RGS5: variants seen among roughly 807,000 people sequenced by gnomAD.
The protein encoded by RGS5 is regulator of G-protein signalling 5.
Under a neutral mutation model 18.9 loss-of-function variants are expected in RGS5, and 20 were observed. That is an observed-to-expected ratio of 1.06 (90% CI 0.74 to 1.54). The LOEUF (loss-of-function observed/expected upper bound fraction) is 1.54, where lower values mean the gene tolerates loss of function less well. Ranked by LOEUF, RGS5 falls within the 40% of genes most tolerant of loss-of-function variation. The pLI is 0.00. For missense variants in RGS5, 201 were observed against 211.8 expected (o/e 0.95, Z 0.32); for synonymous variants, 57 against 76.2 (o/e 0.75, Z 1.31).
chr1:163,174,531 G>A (rs1179058067), intron 1 of RGS5, among the ~76,000 whole-genome samples: 1 of 152,192 alleles, frequency 6.6e-6, no homozygotes, highest in Non-Finnish European at 1.5e-5. Context: ...TCTCTAATTT[G>A]CTAACTGGAC....
Position 163,181,869 on chromosome 1 carries a change from A to C in RGS5, c.45-13501T>G, listed in dbSNP as rs80140629. Among the ~76,000 whole-genome samples, 916 of 152,266 alleles carry C rather than the reference A, an allele frequency of 6.0e-3. 16 individuals carry two copies. The highest frequency in any genetic ancestry group is 0.021 in the African/African-American group (864 of 41,556). On this transcript the variant is annotated intron_variant, in intron 1 of 4. Coordinates refer to ENST00000313961, the MANE Select transcript of RGS5 (RefSeq NM_003617.4). ...TGGGTTTATATTCCAACTCTTACTT[A>C]CCAGCAGAGTGACATTGGACAAATT... is the stretch of plus-strand genomic sequence containing the variant.
intron 1 of RGS5, among the ~76,000 whole-genome samples, chr1:163,315,075 T>C (rs1199691788): frequency 6.6e-6 from 1 of 152,118 alleles, no homozygotes; most frequent in Non-Finnish European, 1.5e-5. Context: ...TGTACTAATA[T>C]CTCAGAAATC....
At chr1:163,174,815 A>G (rs2102408487) in intron 1 of RGS5, among the ~76,000 whole-genome samples, 1 of 152,356 alleles carries the variant, frequency 6.6e-6, no homozygotes, top group Non-Finnish European at 1.5e-5. Context: ...GCAATCACAA[A>G]CAGGTTTCGC....
chr1:163,168,126 A>G (rs963088362), intron 2 of RGS5, 132 bp downstream of exon 2: 1 of 621,910 alleles, frequency 1.6e-6, no homozygotes, highest in East Asian at 2.6e-5. Flanking sequence ...TTGCAAACCA[A>G]CTCTCTGAGG....
At chr1:163,240,257 T>C (rs1304797682) in intron 2 of RGS5, among the ~76,000 whole-genome samples, 1 of 151,884 alleles carries the variant, frequency 6.6e-6, no homozygotes, top group African/African-American at 2.4e-5. Context: ...TGGTCATACA[T>C]TGGAATATTA....
intron 2 of RGS5, among the ~76,000 whole-genome samples, chr1:163,230,274 AC>A (rs1360908049): frequency 1.3e-5 from 2 of 152,170 alleles, no homozygotes; most frequent in African/African-American, 4.8e-5. Context: ...TTCCCTCTTT[AC>A]CTCATAAGAT....
At chr1:163,247,934 A>G (rs1466402399) in intron 2 of RGS5, among the ~76,000 whole-genome samples, 1 of 152,114 alleles carries the variant, frequency 6.6e-6, no homozygotes, top group Non-Finnish European at 1.5e-5. Context: ...TTCCTACTCC[A>G]ACTTGCTCTG....
intron 2 of RGS5, among the ~76,000 whole-genome samples, chr1:163,226,416 A>G (rs1031595599): frequency 6.6e-6 from 1 of 152,136 alleles, no homozygotes; most frequent in African/African-American, 2.4e-5. Flanking sequence ...GTTAAACTTA[A>G]AAGTTTGAAT....
At chr1:163,251,105 T>A (rs1014009907) in intron 2 of RGS5, among the ~76,000 whole-genome samples, 1 of 152,144 alleles carries the variant, frequency 6.6e-6, no homozygotes, top group African/African-American at 2.4e-5. Context: ...CATTTTATAA[T>A]TTTTCTTTTT....
chr1:163,148,879 T>A (rs1405604875), intron 4 of RGS5, among the ~76,000 whole-genome samples: 1 of 152,236 alleles, frequency 6.6e-6, no homozygotes, highest in Non-Finnish European at 1.5e-5. Flanking sequence ...AATCAGCCTA[T>A]GGTTGTGAAT....
At chr1:163,226,085 T>A (rs1344987499) in intron 2 of RGS5, among the ~76,000 whole-genome samples, 1 of 152,130 alleles carries the variant, frequency 6.6e-6, no homozygotes, top group Non-Finnish European at 1.5e-5. Context: ...TATGCCCAGC[T>A]AATTTTGTGT....
intron 2 of RGS5, among the ~76,000 whole-genome samples, chr1:163,251,580 T>C (rs888641445): frequency 4.6e-5 from 7 of 152,174 alleles, no homozygotes; most frequent in African/African-American, 1.7e-4. Flanking sequence ...CAAAGTGATC[T>C]CATTCAATCT....
intron 2 of RGS5, chr1:163,300,548 T>C (rs1649527877): frequency 1.3e-5 from 2 of 152,216 alleles, no homozygotes; most frequent in African/African-American, 2.4e-5. Flanking sequence ...TTCTTTCATG[T>C]TGCAGCCTTA....
intron 2 of RGS5, among the ~76,000 whole-genome samples, chr1:163,253,648 T>C (rs1388253789): frequency 7.0e-6 from 1 of 142,042 alleles, no homozygotes; most frequent in African/African-American, 2.7e-5. Flanking sequence ...TTATTTATTT[T>C]TTAATTTTAT....
chr1:163,274,095 T>C (rs1312071215), intron 2 of RGS5, among the ~76,000 whole-genome samples: 1 of 152,178 alleles, frequency 6.6e-6, no homozygotes, highest in Admixed American at 6.5e-5. Context: ...GTTCCTGACA[T>C]AGAGCTCCTA....
At chr1:163,185,084 A>G (rs935413975) in intron 1 of RGS5, among the ~76,000 whole-genome samples, 2 of 152,182 alleles carry the variant, frequency 1.3e-5, no homozygotes, top group African/African-American at 4.8e-5. Context: ...CTTTTGAATT[A>G]TCTGTTTCTC....
At chr1:163,229,657 C>A (rs1302035917) in intron 2 of RGS5, among the ~76,000 whole-genome samples, 1 of 152,232 alleles carries the variant, frequency 6.6e-6, no homozygotes, top group Non-Finnish European at 1.5e-5. Context: ...CTTGCAGTTC[C>A]ATTTCCCTGG....
intron 2 of RGS5, among the ~76,000 whole-genome samples, chr1:163,240,953 C>A (rs543694090): frequency 3.3e-5 from 5 of 152,090 alleles, no homozygotes; most frequent in Non-Finnish European, 5.9e-5. Flanking sequence ...TCCTCAAACC[C>A]GCCAACTACT....
intron 2 of RGS5, among the ~76,000 whole-genome samples, chr1:163,285,970 AAC>A (rs147795894): frequency 0.066 from 9,973 of 150,314 alleles, 364 homozygotes; most frequent in Middle Eastern, 0.13. Flanking sequence ...GCAGTGTGAG[AAC>A]AGACTCATAC....
Sources: allele counts gnomAD v4.1 joint callset (sites outside exome capture counted in the v4.1 genomes callset), GRCh38; gene constraint gnomAD v4.1.1; transcripts MANE v1.5; gene names NCBI Gene and HGNC (gene_info 2026-07-23, HGNC 2026-07-21).